Variants in NAPG observed in about 807,000 individuals in gnomAD.
The protein encoded by NAPG is gamma-soluble NSF attachment protein.
NAPG carries 25 observed loss-of-function variants against 48.4 expected under a neutral mutation model. The ratio of observed to expected loss-of-function variants is 0.52; its 90% CI spans 0.38 to 0.72. The LOEUF (loss-of-function observed/expected upper bound fraction) is 0.72. Among genes scored for constraint, NAPG ranks in the 30% least tolerant of loss-of-function variants. The pLI is 0.00. For missense variants in NAPG, 359 were observed against 372.5 expected, an observed-to-expected ratio of 0.96 and a Z score of 0.30; for synonymous variants, 139 against 127.2, an observed-to-expected ratio of 1.09 and a Z score of -0.62.
rs538398313 is a variant in NAPG, at chr18:10,532,692, AT to A, written c.125-10del. 185 of 1,528,586 alleles carry A rather than the reference AT, an allele frequency of 1.2e-4. 3 individuals are homozygous for A. The South Asian group carries it at 1.5e-3, about 12-fold the overall frequency. The allele number at this position is 1,528,586 out of a possible 1,614,324, so 94.7% of individuals were successfully genotyped here. ...AGGTTTTTAATGATGGAAATAGTCA[AT>A]TTTTTTTTCTATTTCAGCTGTTGCT... is the stretch of plus-strand genomic sequence containing the variant. On this transcript the variant is annotated intron_variant, in intron 2 of 11. Coordinates refer to ENST00000322897, the MANE Select transcript of NAPG (RefSeq NM_003826.3).
At chr18:10,530,667 CTTT>C (rs71169932) in intron 1 of NAPG, 100 bp from the exon 2 acceptor site, 3,838 of 476,964 alleles carry the variant, frequency 8.0e-3, no homozygotes, top group East Asian at 0.011. Flanking sequence ...ATGGTTTCTC[CTTT>C]TTTTTTTTTT....
rs1329870390 is a variant in NAPG at position 10,546,044 on chromosome 18, A to G, written c.507-282A>G. ...TCACGAAGAAGTCGTGACACTCGCT[A>G]TTGGACAGTCCTTACTAAGCTTAAA... is the stretch of plus-strand genomic sequence containing the variant. On this transcript the variant is annotated intron_variant, in intron 8 of 11. Transcript: ENST00000322897. This position sits in a 1 kb window ranked among gnomAD's most constrained non-coding sequence, Gnocchi z 4.0. Among the ~76,000 whole-genome samples, 1 of 152,216 alleles carries G rather than the reference A, an allele frequency of 6.6e-6. No homozygotes were observed. Among genetic ancestry groups the G allele is most frequent in the African/African-American group, 2.4e-5 (1 of 41,456 alleles).
At chr18:10,527,075 C>T (rs984391807) in intron 1 of NAPG, among the ~76,000 whole-genome samples, 1 of 151,374 alleles carries the variant, frequency 6.6e-6, no homozygotes, top group African/African-American at 2.4e-5. Context: ...GTAGTCCCAG[C>T]TACTCGGGAG....
Position 10,551,938 on chromosome 18 carries a change from A to G in NAPG, c.*1718A>G, listed in dbSNP as rs781247750. 1.3e-5 allele frequency: 2 copies of G among 152,222 alleles called. No individual in the cohort carries two copies. Among genetic ancestry groups the G allele is most frequent in the African/African-American group, 2.4e-5 (1 of 41,462 alleles). 9.4% of individuals were successfully genotyped at this position (152,222 alleles called of 1,614,324 possible). ...TTGGGATTAACTATGAACAAGCTAT[A>G]TGTAGACATTTGCATTTAAGGACAT... On this transcript the variant is annotated 3_prime_UTR_variant, in exon 12 of 12. Transcript: ENST00000322897.
At position 10,546,326 on chromosome 18, in the gene NAPG, G is replaced by A; in HGVS notation, c.507G>A (p.Arg169=). The A allele has an allele frequency of 6.4e-7, 1 of 1,568,600 alleles. No individual in the cohort carries two copies. The highest frequency in any genetic ancestry group is 8.7e-7 in the Non-Finnish European group (1 of 1,153,486). Residue 169 remains arginine (R), a splice_region_variant and synonymous_variant, in exon 9 of 12, where the codon AGG becomes AGA. Transcript: ENST00000322897. This position sits in a 1 kb window ranked among gnomAD's most constrained non-coding sequence, Gnocchi z 4.0. ...KASRLLVRGR[R]FDEAALSIQK... ...TTTACATTTCTGTGTTTTGTTTTAGGTTTGATGAGGCGGCACTCTCTATTC... is the reference window on the plus strand; with the variant it reads ...TTTACATTTCTGTGTTTTGTTTTAGATTTGATGAGGCGGCACTCTCTATTC...
intron 1 of NAPG, among the ~76,000 whole-genome samples, chr18:10,530,355 T>C (rs986879159): frequency 6.6e-6 from 1 of 152,138 alleles, no homozygotes; most frequent in African/African-American, 2.4e-5. Flanking sequence ...GTCTCTAGAC[T>C]CTTGTCTGTG....
At chr18:10,533,608 T>G (rs1463710509) in intron 4 of NAPG, 55 bp downstream of exon 4, 18 of 1,474,540 alleles carry the variant, frequency 1.2e-5, no homozygotes, top group Non-Finnish European at 1.7e-5. Flanking sequence ...AATGTTGCTG[T>G]TTTTCTGTAG....
intron 5 of NAPG, among the ~76,000 whole-genome samples, chr18:10,536,630 C>T (rs546320170): frequency 5.3e-5 from 8 of 152,168 alleles, no homozygotes; most frequent in East Asian, 1.9e-4. Flanking sequence ...CTCACAGCCT[C>T]ACTTGATTTT....
At chr18:10,549,178 CT>C in intron 11 of NAPG, 82 bp downstream of exon 11, 1 of 1,483,730 alleles carries the variant, frequency 6.7e-7, no homozygotes, top group Non-Finnish European at 9.0e-7. Context: ...TACCCATGTA[CT>C]TAAGAGATTT....
At position 10,530,089 on chromosome 18, in the gene NAPG, C is replaced by G. The variant is rs79111048; in HGVS notation, c.57-681C>G. On this transcript the variant is annotated intron_variant, in intron 1 of 11. Transcript: ENST00000322897. ...ATTGATTGTCCTTTGGTTTGGCATC[C>G]AAGAAGCCAGTAGTGATCCTAGAAA... is the stretch of plus-strand genomic sequence containing the variant. Among the ~76,000 whole-genome samples the G allele has an allele frequency of 5.7e-4, 87 of 151,802 alleles. 1 individual carries two copies. In the East Asian group the frequency reaches 0.015, roughly 26 times the overall value.
chr18:10,529,399 CTATA>C (rs1427871463), intron 1 of NAPG, among the ~76,000 whole-genome samples: 1 of 152,166 alleles, frequency 6.6e-6, no homozygotes, highest in Non-Finnish European at 1.5e-5. Flanking sequence ...TCTTGTAACA[CTATA>C]TACACAAACA....
In NAPG at chr18:10,536,462, GTTCTGTCAC is replaced by G. The variant is rs532078243; in HGVS notation, c.258+1969_258+1977del. 9.9e-5 allele frequency among the ~76,000 whole-genome samples: 15 copies of G among 152,254 alleles called. No homozygotes were observed. The East Asian group carries it at 2.9e-3, about 29-fold the overall frequency. ...CAGAAACTTGTTGGATCAACCTTTG[GTTCTGTCAC>G]TTGATGACTGCTGTGATTTCATATC... is the stretch of plus-strand genomic sequence containing the variant. On this transcript the variant is annotated intron_variant, in intron 5 of 11. Coordinates refer to ENST00000322897, the MANE Select transcript of NAPG (RefSeq NM_003826.3).
At chr18:10,538,924 T>A (rs577663528) in intron 5 of NAPG, among the ~76,000 whole-genome samples, 1 of 152,274 alleles carries the variant, frequency 6.6e-6, no homozygotes, top group Non-Finnish European at 1.5e-5. Context: ...TCATTGATCA[T>A]TAGAGAAATG....
chr18:10,551,044 A>C lies in NAPG; in HGVS notation c.*824A>C, dbSNP rs1479876215. ...GGTCTCACTCTTTTGCCCAGGCTGG[A>C]GTGCAGTGGCACAATCACGGCTCCC... is the stretch of plus-strand genomic sequence containing the variant. On this transcript the variant is annotated 3_prime_UTR_variant, in exon 12 of 12. Coordinates refer to ENST00000322897, the MANE Select transcript of NAPG (RefSeq NM_003826.3). 6.6e-6 allele frequency: 1 copy of C among 150,958 alleles called. No individual in the cohort carries two copies. The highest frequency in any genetic ancestry group is 1.5e-5 in the Non-Finnish European group (1 of 67,824). 9.4% of individuals were successfully genotyped at this position (150,958 alleles called of 1,614,324 possible). A position where few individuals can be genotyped will look rare whatever the true frequency, so the allele number is the denominator to read the frequency against.
rs145151974 is a variant in NAPG at position 10,552,300 on chromosome 18, C to T, written c.*2080C>T. Reference sequence around the variant, plus strand: ...TGCAGCCTCCTTCACCCTTCCTGCCCACGGTGAGGATTGAATAACCAGGAC... The same window carrying T: ...TGCAGCCTCCTTCACCCTTCCTGCCTACGGTGAGGATTGAATAACCAGGAC... On this transcript the variant is annotated 3_prime_UTR_variant, in exon 12 of 12. Coordinates refer to ENST00000322897, the MANE Select transcript of NAPG (RefSeq NM_003826.3). The T allele has an allele frequency of 7.9e-5, 12 of 152,356 alleles. No homozygotes were observed. The East Asian group carries it at 2.3e-3, about 29-fold the overall frequency. 9.4% of individuals were successfully genotyped at this position (152,356 alleles called of 1,614,324 possible).
intron 8 of NAPG, among the ~76,000 whole-genome samples, chr18:10,541,512 G>A (rs756810244): frequency 5.1e-4 from 77 of 152,168 alleles, no homozygotes; most frequent in Middle Eastern, 3.2e-3. Context: ...TGGTGATGGC[G>A]TTATGGCTGT....
rs1207651632 is a variant in NAPG at position 10,543,459 on chromosome 18, T to C, written c.507-2867T>C. On this transcript the variant is annotated intron_variant, in intron 8 of 11. Transcript: ENST00000322897. This position sits in a 1 kb window ranked among gnomAD's most constrained non-coding sequence, Gnocchi z 4.4. Reference sequence around the variant, plus strand: ...CCATCAATAACTGAGATAAGGAATATAGAAACAAACTTATCAGTGATGATA... The same window carrying C: ...CCATCAATAACTGAGATAAGGAATACAGAAACAAACTTATCAGTGATGATA... Among the ~76,000 whole-genome samples the C allele has an allele frequency of 6.6e-6, 1 of 152,172 alleles. No homozygotes were observed. The highest frequency in any genetic ancestry group is 2.4e-5 in the African/African-American group (1 of 41,446).
chr18:10,533,472 G>A (rs889605991), intron 3 of NAPG, 64 bp from the exon 4 acceptor site: 46 of 1,402,808 alleles, frequency 3.3e-5, no homozygotes, highest in Admixed American at 4.4e-5. Context: ...TTAAATAGTT[G>A]ATCTATAGAA....
chr18:10,534,376 A>G lies in NAPG; in HGVS notation c.228-90A>G, dbSNP rs748516730. ...GCATGAGCCCATTGTAATTGAAGTCACTTTCCTTACCAGTAGTTCCTCACC... is the reference window on the plus strand; with the variant it reads ...GCATGAGCCCATTGTAATTGAAGTCGCTTTCCTTACCAGTAGTTCCTCACC... On this transcript the variant is annotated intron_variant, in intron 4 of 11. Transcript: ENST00000322897. The surrounding 1 kb of genome is among the most constrained non-coding windows in gnomAD (Gnocchi z 5.0). 61 of 1,033,218 alleles carry G rather than the reference A, an allele frequency of 5.9e-5. No individual in the cohort carries two copies. The highest frequency in any genetic ancestry group is 9.2e-5 in the Non-Finnish European group (61 of 661,150). 64.0% of individuals were successfully genotyped at this position (1,033,218 alleles called of 1,614,324 possible).
Sources: allele counts gnomAD v4.1 joint callset (sites outside exome capture counted in the v4.1 genomes callset), GRCh38; gene constraint gnomAD v4.1.1; non-coding constraint Gnocchi (gnomAD v3.1); transcripts MANE v1.5; gene names NCBI Gene and HGNC (gene_info 2026-07-23, HGNC 2026-07-21).